Variants in FSTL5 observed in about 807,000 individuals in gnomAD.
FSTL5 encodes the protein follistatin like 5.
In FSTL5, 62 loss-of-function variants were observed where a neutral mutation model predicts 89.1. The ratio of observed to expected loss-of-function variants is 0.70; its 90% CI spans 0.57 to 0.86. The LOEUF is 0.86. Among genes scored for constraint, FSTL5 ranks in the 40% least tolerant of loss-of-function variants. The pLI is 0.00. For synonymous variants in FSTL5, 383 were observed against 346.2 expected (o/e 1.11, Z -1.18); for missense variants, 1,057 against 1,001.6 (o/e 1.06, Z -0.75).
chr4:161,633,375 C>G lies in FSTL5; in HGVS notation c.894+22953G>C, dbSNP rs953131522. Among the ~76,000 whole-genome samples, 4 of 151,020 alleles carry G rather than the reference C, an allele frequency of 2.6e-5. No individual in the cohort carries two copies. The East Asian group carries it at 7.8e-4, about 29-fold the overall frequency. Reference sequence around the variant, plus strand: ...GTGCACAACGAGACCAAGTCTCGCTCTGTCCTCTGTCACCAGTTTGGAGTG... The same window carrying G: ...GTGCACAACGAGACCAAGTCTCGCTGTGTCCTCTGTCACCAGTTTGGAGTG... On this transcript the variant is annotated intron_variant, in intron 7 of 15. Transcript: ENST00000306100.
At chr4:161,835,962 C>T (rs558393430) in intron 4 of FSTL5, among the ~76,000 whole-genome samples, 82 of 151,854 alleles carry the variant, frequency 5.4e-4, no homozygotes, top group Non-Finnish European at 7.7e-4. Context: ...GGGTATATAC[C>T]CAAAGGACTA....
chr4:162,013,249 A>T (rs932855582), intron 3 of FSTL5, among the ~76,000 whole-genome samples: 4 of 152,078 alleles, frequency 2.6e-5, no homozygotes, highest in Non-Finnish European at 5.9e-5. Context: ...ATTTCTCAAG[A>T]TCACTTCAAT....
chr4:161,422,459 A>G (rs1389471945), intron 15 of FSTL5, among the ~76,000 whole-genome samples: 3 of 152,224 alleles, frequency 2.0e-5, no homozygotes, highest in African/African-American at 7.2e-5. Flanking sequence ...TTAAAAGTCC[A>G]GAACCAATTT....
chr4:161,393,050 G>A (rs1431903447), intron 15 of FSTL5, among the ~76,000 whole-genome samples: 2 of 152,008 alleles, frequency 1.3e-5, no homozygotes. Flanking sequence ...TGTAGTCCCA[G>A]CTACTTGGGA....
chr4:161,676,651 A>C (rs140421850), intron 6 of FSTL5, among the ~76,000 whole-genome samples: 1 of 151,986 alleles, frequency 6.6e-6, no homozygotes, highest in Non-Finnish European at 1.5e-5. Flanking sequence ...CTTAAAGTAT[A>C]ATAAATTTTT....
chr4:161,662,548 A>G (rs1467750020), intron 6 of FSTL5, among the ~76,000 whole-genome samples: 3 of 152,318 alleles, frequency 2.0e-5, no homozygotes, highest in Middle Eastern at 3.4e-3. Flanking sequence ...AGACACAGCA[A>G]AAAAGAGAAA....
chr4:161,548,709 A>G (rs989899870), intron 8 of FSTL5, among the ~76,000 whole-genome samples: 23 of 151,848 alleles, frequency 1.5e-4, no homozygotes, highest in African/African-American at 5.3e-4. Context: ...TCAATTATCT[A>G]CAAGTGCCAG....
intron 4 of FSTL5, among the ~76,000 whole-genome samples, chr4:161,891,545 C>G (rs547385691): frequency 4.6e-4 from 70 of 152,146 alleles, no homozygotes; most frequent in African/African-American, 1.6e-3. Flanking sequence ...GATATTAATA[C>G]CTAGTCTATT....
At chr4:161,821,769 G>A (rs149214563) in intron 4 of FSTL5, among the ~76,000 whole-genome samples, 2 of 152,074 alleles carry the variant, frequency 1.3e-5, no homozygotes, top group East Asian at 3.9e-4. Flanking sequence ...TGGCTGCATG[G>A]TATTCCATGG....
intron 4 of FSTL5, among the ~76,000 whole-genome samples, chr4:161,792,568 T>C (rs1729513768): frequency 6.6e-6 from 1 of 152,036 alleles, no homozygotes; most frequent in Non-Finnish European, 1.5e-5. Context: ...GTGCACACTT[T>C]CTCCCCTGTG....
intron 7 of FSTL5, among the ~76,000 whole-genome samples, chr4:161,596,856 C>T (rs932368871): frequency 8.5e-5 from 13 of 152,176 alleles, no homozygotes; most frequent in South Asian, 2.1e-4. Flanking sequence ...ACATATCCTT[C>T]GCCCACTTTT....
chr4:162,074,815 A>G (rs1729770011), intron 2 of FSTL5, among the ~76,000 whole-genome samples: 2 of 151,718 alleles, frequency 1.3e-5, no homozygotes, highest in South Asian at 2.1e-4. Flanking sequence ...AAATATCACA[A>G]TTGAAAATGT....
At chr4:161,915,533 A>C (rs1221959730) in intron 4 of FSTL5, among the ~76,000 whole-genome samples, 1 of 152,148 alleles carries the variant, frequency 6.6e-6, no homozygotes, top group South Asian at 2.1e-4. Context: ...ATGGCAGGTA[A>C]ACATATAAAA....
intron 7 of FSTL5, among the ~76,000 whole-genome samples, chr4:161,638,507 T>A (rs1451144762): frequency 6.6e-6 from 1 of 152,098 alleles, no homozygotes; most frequent in African/African-American, 2.4e-5. Context: ...CAACAATCAA[T>A]AGTTTACCAA....
At chr4:161,708,563 G>A (rs149770045) in intron 6 of FSTL5, among the ~76,000 whole-genome samples, 141 of 151,734 alleles carry the variant, frequency 9.3e-4, no homozygotes, top group African/African-American at 3.1e-3. Context: ...ATCATTTAGC[G>A]CCTTCAGTCT....
chr4:161,609,208 A>G (rs1246355934), intron 7 of FSTL5, among the ~76,000 whole-genome samples: 2 of 152,136 alleles, frequency 1.3e-5, no homozygotes, highest in Non-Finnish European at 2.9e-5. Context: ...TAATGAATAC[A>G]TTAATTATAA....
chr4:161,829,412 T>C (rs1435748804), intron 4 of FSTL5, among the ~76,000 whole-genome samples: 3 of 150,912 alleles, frequency 2.0e-5, no homozygotes, highest in African/African-American at 4.9e-5. Context: ...CAATAGCAAA[T>C]AAAAAAATAA....
chr4:161,588,452 C>G (rs1446884041), intron 7 of FSTL5, among the ~76,000 whole-genome samples: 3 of 151,912 alleles, frequency 2.0e-5, no homozygotes, highest in African/African-American at 7.3e-5. Context: ...AACCATACCA[C>G]TTCAAAATAG....
intron 3 of FSTL5, among the ~76,000 whole-genome samples, chr4:162,013,302 A>C (rs1437311145): frequency 6.6e-6 from 1 of 152,184 alleles, no homozygotes; most frequent in Non-Finnish European, 1.5e-5. Context: ...ACAGTGTTGA[A>C]GATCAGGAAG....
Sources: gnomAD v4.1 joint callset for allele counts (sites outside exome capture counted in the v4.1 genomes callset) on GRCh38, gnomAD v4.1.1 for gene constraint, MANE v1.5 for transcripts, NCBI Gene and HGNC (gene_info 2026-07-23, HGNC 2026-07-21) for gene names.